ABI3BP: variants seen among roughly 807,000 people sequenced by gnomAD.
The protein encoded by ABI3BP is ABI family member 3 binding protein.
In ABI3BP, 216 loss-of-function variants were observed where a neutral mutation model predicts 268.6. The observed-to-expected ratio is 0.80, with a 90% CI of 0.72 to 0.90. ABI3BP has a LOEUF of 0.90. Among genes scored for constraint, ABI3BP ranks in the 40% least tolerant of loss-of-function variants. The pLI, the probability that ABI3BP is intolerant of heterozygous loss-of-function variation, is 0.00. For synonymous variants in ABI3BP, 730 were observed against 730.0 expected (o/e 1.00, Z 0.00); for missense variants, 2,090 against 2,182.4 (o/e 0.96, Z 0.84).
chr3:100,854,130 C>A (rs1461046977), intron 14 of ABI3BP, among the ~76,000 whole-genome samples: 2 of 150,182 alleles, frequency 1.3e-5, no homozygotes, highest in African/African-American at 2.5e-5. Context: ...GCGGGTAAAT[C>A]CCTTGAGGTT....
At chr3:100,941,631 C>A (rs1332971610) in intron 1 of ABI3BP, among the ~76,000 whole-genome samples, 1 of 152,098 alleles carries the variant, frequency 6.6e-6, no homozygotes, top group African/African-American at 2.4e-5. Flanking sequence ...GCCAATACTT[C>A]ACCGTCTGGT....
intron 50 of ABI3BP, among the ~76,000 whole-genome samples, chr3:100,806,439 A>G (rs752649486): frequency 2.6e-5 from 4 of 152,082 alleles, no homozygotes; most frequent in Non-Finnish European, 5.9e-5. Flanking sequence ...TGTGATATAT[A>G]TGTGTACATA....
intron 1 of ABI3BP, among the ~76,000 whole-genome samples, chr3:100,944,557 T>C (rs2071188519): frequency 1.3e-5 from 2 of 152,122 alleles, no homozygotes; most frequent in Non-Finnish European, 2.9e-5. Context: ...AAAATGAAAA[T>C]CTTGCCATCT....
intron 1 of ABI3BP, among the ~76,000 whole-genome samples, chr3:100,956,973 C>A (rs1176164900): frequency 6.6e-6 from 1 of 152,160 alleles, no homozygotes; most frequent in Non-Finnish European, 1.5e-5. Flanking sequence ...TTAGAGGACA[C>A]TGACGGAGTT....
intron 50 of ABI3BP, among the ~76,000 whole-genome samples, chr3:100,805,934 G>T (rs998925124): frequency 6.6e-6 from 1 of 151,924 alleles, no homozygotes; most frequent in Non-Finnish European, 1.5e-5. Context: ...AGTATATTCT[G>T]ATTTTCACAT....
Position 100,848,829 on chromosome 3 carries a change from G to A in ABI3BP, c.1548C>T (p.Pro516=). 1 of 1,613,394 alleles carries A rather than the reference G, an allele frequency of 6.2e-7. No homozygotes were observed. The highest frequency in any genetic ancestry group is 8.5e-7 in the Non-Finnish European group (1 of 1,179,438). ...TSIPSTPKRR[P]RPKPPRTKPE... Reference sequence around the variant, plus strand: ...GTTTGGTTCTTGGCGGTTTGGGCCGGGGGCGTCGTTTAGGTGTAGAAGGGA... The same window carrying A: ...GTTTGGTTCTTGGCGGTTTGGGCCGAGGGCGTCGTTTAGGTGTAGAAGGGA... The change falls in exon 18 of 68, where the codon CCC becomes CCT. Residue 516 remains proline (P), a synonymous_variant. Transcript: ENST00000471714.
At chr3:100,863,100 T>A in intron 12 of ABI3BP, 191 bp from the exon 13 acceptor site, 1 of 556,182 alleles carries the variant, frequency 1.8e-6, no homozygotes, top group East Asian at 3.0e-5. Flanking sequence ...TTTTTTATAG[T>A]TAAGTGACTA....
At chr3:100,916,318 A>T (rs115465371) in intron 2 of ABI3BP, among the ~76,000 whole-genome samples, 206 of 152,360 alleles carry the variant, frequency 1.4e-3, no homozygotes, top group African/African-American at 4.6e-3. Context: ...TCAAATCAGC[A>T]AAGGTTTTTC....
chr3:100,814,217 G>A (rs2097943749), intron 44 of ABI3BP, among the ~76,000 whole-genome samples: 1 of 151,984 alleles, frequency 6.6e-6, no homozygotes, highest in Admixed American at 6.6e-5. Context: ...ATGTCCTTCT[G>A]AAAAAGCAGG....
intron 51 of ABI3BP, among the ~76,000 whole-genome samples, chr3:100,802,099 G>A (rs2097550992): frequency 6.6e-6 from 1 of 152,048 alleles, no homozygotes; most frequent in African/African-American, 2.4e-5. Context: ...GAAATATTTA[G>A]AATTAAACAC....
intron 4 of ABI3BP, among the ~76,000 whole-genome samples, chr3:100,889,665 T>G (rs1288591744): frequency 6.6e-6 from 1 of 152,160 alleles, no homozygotes; most frequent in Non-Finnish European, 1.5e-5. Context: ...ATTTCAATTT[T>G]AAGAACAAGA....
intron 63 of ABI3BP, among the ~76,000 whole-genome samples, chr3:100,757,364 G>C (rs1461443634): frequency 1.3e-5 from 2 of 152,126 alleles, no homozygotes; most frequent in East Asian, 3.8e-4. Flanking sequence ...CAGAGTACTG[G>C]GGTGATAAAG....
chr3:100,979,290 T>C (rs373714280), intron 1 of ABI3BP, among the ~76,000 whole-genome samples: 2 of 152,228 alleles, frequency 1.3e-5, no homozygotes, highest in South Asian at 2.1e-4. Flanking sequence ...ATTTCTTTCA[T>C]ATCCATCTAA....
chr3:100,835,681 A>G (rs79498378), intron 27 of ABI3BP, 21 bp from the exon 28 acceptor site: 70,079 of 1,515,850 alleles, frequency 0.046, 1,844 homozygotes, highest in Non-Finnish European at 0.051. Context: ...GCAATACAAT[A>G]AACAATGGAG....
chr3:100,774,762 ATTT>A, intron 60 of ABI3BP, 89 bp from the exon 61 acceptor site: 1 of 1,044,564 alleles, frequency 9.6e-7, no homozygotes, highest in African/African-American at 1.6e-5. Flanking sequence ...GATATTCAAT[ATTT>A]CTTCTTGTAA....
chr3:100,818,620 T>C, intron 40 of ABI3BP, 39 bp from the exon 41 acceptor site: 1 of 1,450,480 alleles, frequency 6.9e-7, no homozygotes, highest in Non-Finnish European at 9.4e-7. Context: ...GAAAAGCCAG[T>C]AAATTATATC....
At position 100,856,405 on chromosome 3, in the gene ABI3BP, G is replaced by A. The variant is rs1025606882; in HGVS notation, c.1286-4465C>T. Among the ~76,000 whole-genome samples the A allele has an allele frequency of 3.3e-5, 5 of 152,138 alleles. 1 individual carries two copies. The highest frequency in any genetic ancestry group is 2.6e-4 in the Admixed American group (4 of 15,254). ...TGACCTCCTAAAGGAAGCTCCCAAA[G>A]AAAAATCTAATGGAAAAACTGAAGC... On this transcript the variant is annotated intron_variant, in intron 14 of 67. Coordinates refer to ENST00000471714, the MANE Select transcript of ABI3BP (RefSeq NM_001375547.2).
At chr3:100,792,640 T>C in intron 55 of ABI3BP, 51 bp downstream of exon 55, 1 of 1,566,866 alleles carries the variant, frequency 6.4e-7, no homozygotes, top group Non-Finnish European at 8.8e-7. Context: ...TCTTTCCTGA[T>C]TAAAAGCAAA....
chr3:100,843,977 G>A (rs1314661164), intron 20 of ABI3BP: 1 of 984,708 alleles, frequency 1.0e-6, no homozygotes, highest in Non-Finnish European at 1.2e-6. Flanking sequence ...ACCAAATAGG[G>A]ATAGAACTCC....
Sources: gnomAD v4.1 joint callset for allele counts (sites outside exome capture counted in the v4.1 genomes callset) on GRCh38, gnomAD v4.1.1 for gene constraint, MANE v1.5 for transcripts, NCBI Gene and HGNC (gene_info 2026-07-23, HGNC 2026-07-21) for gene names.